The following NFYC variants were observed in gnomAD, a reference collection of about 807,000 sequenced individuals.
NFYC encodes the protein nuclear transcription factor Y subunit gamma.
A neutral mutation model predicts 53.1 loss-of-function variants in NFYC; 25 were observed. The ratio of observed to expected loss-of-function variants is 0.47; its 90% CI spans 0.34 to 0.66. The LOEUF is 0.66. NFYC is among the 30% of genes least tolerant of loss of function. The pLI is 0.01. For synonymous variants in NFYC, 145 were observed against 152.6 expected (o/e 0.95, Z 0.37); for missense variants, 260 against 422.7 (o/e 0.62, Z 3.38).
At position 40,771,203 on chromosome 1, in the gene NFYC, G is replaced by T; in HGVS notation, c.*375G>T. ...TTGTTACTGCCACTTCTTTTTAGGAGCAAATCTCCCCAGGGGTGTACGGTA... is the reference window on the plus strand; with the variant it reads ...TTGTTACTGCCACTTCTTTTTAGGATCAAATCTCCCCAGGGGTGTACGGTA... On this transcript the variant is annotated 3_prime_UTR_variant, in exon 10 of 10. Coordinates refer to ENST00000447388, the MANE Select transcript of NFYC (RefSeq NM_014223.5). The T allele has an allele frequency of 3.3e-6, 1 of 300,514 alleles. No homozygotes were observed. Among genetic ancestry groups the T allele is most frequent in the South Asian group, 3.4e-5 (1 of 29,426 alleles). 18.6% of individuals were successfully genotyped at this position (300,514 alleles called of 1,614,324 possible). A position where few individuals can be genotyped will look rare whatever the true frequency, so the allele number is the denominator to read the frequency against.
intron 1 of NFYC, among the ~76,000 whole-genome samples, chr1:40,706,547 A>G (rs1643699775): frequency 6.6e-6 from 1 of 151,972 alleles, no homozygotes. Flanking sequence ...AAACAATTGT[A>G]TTTTTCAGTC....
chr1:40,698,938 G>A (rs1643291225), intron 1 of NFYC, among the ~76,000 whole-genome samples: 1 of 152,012 alleles, frequency 6.6e-6, no homozygotes. Context: ...GCTGAGGCGG[G>A]CAGATCATGA....
At chr1:40,720,823 T>A (rs913805294) in intron 1 of NFYC, among the ~76,000 whole-genome samples, 1 of 152,204 alleles carries the variant, frequency 6.6e-6, no homozygotes, top group Non-Finnish European at 1.5e-5. Flanking sequence ...GAGCCATGAT[T>A]ACGCCACTGC....
At chr1:40,735,615 A>G (rs1644988052) in intron 1 of NFYC, 4 of 985,318 alleles carry the variant, frequency 4.1e-6, no homozygotes, top group Non-Finnish European at 4.8e-6. Context: ...TTGTACTCCA[A>G]CTAAACCTAC....
rs990041301 is a variant in NFYC at position 40,770,501 on chromosome 1, C to T, written c.889-208C>T. ...CAACTCCCTGCACCTCTTCCCTGCC[C>T]ACCACACACCCCCCCTCACACCGGG... On this transcript the variant is annotated intron_variant, in intron 9 of 9. Transcript: ENST00000447388. This position sits in a 1 kb window ranked among gnomAD's most constrained non-coding sequence, Gnocchi z 5.3. 10 of 1,553,482 alleles carry T rather than the reference C, an allele frequency of 6.4e-6. No homozygotes were observed. The highest frequency in any genetic ancestry group is 8.7e-6 in the Non-Finnish European group (10 of 1,148,202).
intron 1 of NFYC, among the ~76,000 whole-genome samples, chr1:40,715,407 A>C (rs1179291039): frequency 1.3e-5 from 2 of 149,954 alleles, no homozygotes; most frequent in Non-Finnish European, 3.0e-5. Flanking sequence ...AAAAACAAAA[A>C]CTTTTTTTTT....
Position 40,729,749 on chromosome 1 carries a change from G to T in NFYC, c.-8-9087G>T, listed in dbSNP as rs189929768. ...GGAGTGCAATGGTACGATCTCAGCT[G>T]ACTGCAACCTTCGCCTCCTGGGTTC... On this transcript the variant is annotated intron_variant, in intron 1 of 9. Coordinates refer to ENST00000447388, the MANE Select transcript of NFYC (RefSeq NM_014223.5). Among the ~76,000 whole-genome samples the T allele has an allele frequency of 2.1e-3, 313 of 149,872 alleles. 3 individuals are homozygous for T. The highest frequency in any genetic ancestry group is 7.2e-3 in the African/African-American group (293 of 40,704).
chr1:40,757,948 G>C (rs191990899), intron 5 of NFYC, 173 bp from the exon 6 acceptor site: 1 of 662,308 alleles, frequency 1.5e-6, no homozygotes, highest in East Asian at 2.7e-5. Context: ...TTTTTAGTTT[G>C]ATTTAGCATA....
At chr1:40,736,110 C>T (rs1645011115) in intron 1 of NFYC, among the ~76,000 whole-genome samples, 1 of 152,120 alleles carries the variant, frequency 6.6e-6, no homozygotes, top group Admixed American at 6.6e-5. Flanking sequence ...ATCCCAGGTA[C>T]TAGAATTTCT....
At chr1:40,695,213 T>C (rs2148398512) in intron 1 of NFYC, among the ~76,000 whole-genome samples, 1 of 152,248 alleles carries the variant, frequency 6.6e-6, no homozygotes, top group South Asian at 2.1e-4. Context: ...CCCTCCAGTC[T>C]GGGCAACACA....
intron 1 of NFYC, among the ~76,000 whole-genome samples, chr1:40,729,488 A>G (rs1426018801): frequency 6.6e-6 from 1 of 152,184 alleles, no homozygotes; most frequent in Non-Finnish European, 1.5e-5. Flanking sequence ...GCTTAAAGGA[A>G]TGTTGTGGTT....
intron 2 of NFYC, among the ~76,000 whole-genome samples, chr1:40,741,009 G>A (rs773171880): frequency 6.6e-6 from 1 of 151,402 alleles, no homozygotes; most frequent in Non-Finnish European, 1.5e-5. Context: ...GAAGTGTTAA[G>A]TATAATCACA....
chr1:40,767,378 T>A (rs1646871387), intron 8 of NFYC: 2 of 244,546 alleles, frequency 8.2e-6, no homozygotes, highest in East Asian at 2.0e-4. Flanking sequence ...TGGTGATGTA[T>A]CTATTGACAG....
chr1:40,719,063 G>A (rs1298926297), intron 1 of NFYC, among the ~76,000 whole-genome samples: 1 of 152,124 alleles, frequency 6.6e-6, no homozygotes, highest in African/African-American at 2.4e-5. Flanking sequence ...GTAGAGACGG[G>A]GTTTCACCAT....
At chr1:40,730,555 A>G (rs964364622) in intron 1 of NFYC, 2 of 985,048 alleles carry the variant, frequency 2.0e-6, no homozygotes, top group Non-Finnish European at 2.4e-6. Flanking sequence ...ATGTCACCTC[A>G]TGACAGAGGA....
intron 6 of NFYC, among the ~76,000 whole-genome samples, chr1:40,760,556 T>A (rs1165193855): frequency 6.6e-6 from 1 of 152,010 alleles, no homozygotes; most frequent in Non-Finnish European, 1.5e-5. Context: ...CCATCTCTAC[T>A]AAAAATACAA....
At chr1:40,769,770 C>T (rs1218562899) in intron 9 of NFYC, among the ~76,000 whole-genome samples, 2 of 152,088 alleles carry the variant, frequency 1.3e-5, no homozygotes, top group African/African-American at 2.4e-5. Context: ...TTTTTTTCCC[C>T]TCTAAGCCAT....
intron 1 of NFYC, among the ~76,000 whole-genome samples, chr1:40,701,034 G>T (rs144422806): frequency 6.6e-6 from 1 of 152,168 alleles, no homozygotes; most frequent in Non-Finnish European, 1.5e-5. Context: ...TGTTTAAGAC[G>T]CATTAGTTCC....
rs558534136 is a variant in NFYC, at chr1:40,753,137, C to T, written c.292-14C>T. Reference sequence around the variant, plus strand: ...CCCCAGGCTAATTTTTCACACCGCTCTTCTTTGTTACAGAGAAATGATATC... The same window carrying T: ...CCCCAGGCTAATTTTTCACACCGCTTTTCTTTGTTACAGAGAAATGATATC... On this transcript the variant is annotated splice_polypyrimidine_tract_variant and intron_variant, in intron 4 of 9. Coordinates refer to ENST00000447388, the MANE Select transcript of NFYC (RefSeq NM_014223.5). The T allele has an allele frequency of 4.1e-5, 65 of 1,598,078 alleles. 1 individual carries two copies. In the South Asian group the frequency reaches 6.3e-4, roughly 15 times the overall value.
Sources: allele counts gnomAD v4.1 joint callset (sites outside exome capture counted in the v4.1 genomes callset), GRCh38; gene constraint gnomAD v4.1.1; non-coding constraint Gnocchi (gnomAD v3.1); transcripts MANE v1.5; gene names NCBI Gene and HGNC (gene_info 2026-07-23, HGNC 2026-07-21).